The following HRH1 variants were observed in gnomAD, a reference collection of about 807,000 sequenced individuals.
The protein encoded by HRH1 is histamine H1 receptor.
Under a neutral mutation model 10.3 loss-of-function variants are expected in HRH1, and 6 were observed. The ratio of observed to expected loss-of-function variants is 0.58; its 90% CI spans 0.32 to 1.15. HRH1 has a LOEUF of 1.15. Among genes scored for constraint, HRH1 ranks in the 50% most tolerant of loss-of-function variants. HRH1 has a pLI of 0.05. For synonymous variants in HRH1, 242 were observed against 236.7 expected, an observed-to-expected ratio of 1.02 and a Z score of -0.21; for missense variants, 514 against 615.3, an observed-to-expected ratio of 0.84 and a Z score of 1.74.
chr3:11,178,027 C>T (rs898168767), intron 1 of HRH1, among the ~76,000 whole-genome samples: 24 of 152,268 alleles, frequency 1.6e-4, no homozygotes, highest in African/African-American at 5.8e-4. Flanking sequence ...GGTCCATCCA[C>T]TCCCAAACCA....
At chr3:11,176,181 A>AAAAAAAAG (rs796312202) in intron 1 of HRH1, among the ~76,000 whole-genome samples, 19 of 151,816 alleles carry the variant, frequency 1.3e-4, no homozygotes, top group African/African-American at 4.6e-4. Context: ...AAAAAAAAAA[A>AAAAAAAAG]AGAGAGAAAT....
intron 1 of HRH1, among the ~76,000 whole-genome samples, chr3:11,155,498 C>T (rs950857109): frequency 2.0e-5 from 3 of 152,142 alleles, no homozygotes; most frequent in Non-Finnish European, 4.4e-5. Flanking sequence ...CCATGAAGAT[C>T]CCACCTCTTC....
intron 1 of HRH1, among the ~76,000 whole-genome samples, chr3:11,198,044 C>T (rs1474455641): frequency 6.6e-6 from 1 of 152,096 alleles, no homozygotes; most frequent in East Asian, 1.9e-4. Flanking sequence ...CCTGGTTCTC[C>T]CTGGGCCCTC....
chr3:11,243,644 C>T (rs1157133590), intron 1 of HRH1, among the ~76,000 whole-genome samples: 1 of 152,200 alleles, frequency 6.6e-6, no homozygotes, highest in Non-Finnish European at 1.5e-5. Flanking sequence ...TCCAATGACT[C>T]CTCCCAATTC....
chr3:11,147,950 G>T (rs1574971453), intron 1 of HRH1, among the ~76,000 whole-genome samples: 1 of 152,056 alleles, frequency 6.6e-6, no homozygotes, highest in South Asian at 2.1e-4. Flanking sequence ...GAGAGGCCAA[G>T]GTGGGTGGAT....
intron 1 of HRH1, among the ~76,000 whole-genome samples, chr3:11,203,299 G>A (rs570323736): frequency 1.2e-4 from 18 of 152,330 alleles, no homozygotes; most frequent in Non-Finnish European, 2.4e-4. Flanking sequence ...GGTATGGTAA[G>A]AGTATATTTA....
intron 1 of HRH1, among the ~76,000 whole-genome samples, chr3:11,188,239 A>G (rs1474127395): frequency 6.6e-6 from 1 of 152,230 alleles, no homozygotes; most frequent in Non-Finnish European, 1.5e-5. Flanking sequence ...AGGAGAGCAG[A>G]TTGATTATAT....
At chr3:11,250,612 A>T (rs1265401727) in intron 1 of HRH1, among the ~76,000 whole-genome samples, 1 of 152,132 alleles carries the variant, frequency 6.6e-6, no homozygotes, top group African/African-American at 2.4e-5. Context: ...GTCCTGAGGG[A>T]GGAAAGGGTA....
At chr3:11,184,652 C>T (rs1047912312) in intron 1 of HRH1, among the ~76,000 whole-genome samples, 2 of 152,086 alleles carry the variant, frequency 1.3e-5, no homozygotes, top group South Asian at 2.1e-4. Context: ...CCCGATGACT[C>T]GCACCTGTAA....
At chr3:11,232,542 G>A (rs1939070382) in intron 1 of HRH1, among the ~76,000 whole-genome samples, 2 of 152,114 alleles carry the variant, frequency 1.3e-5, no homozygotes, top group Non-Finnish European at 2.9e-5. Context: ...TTAATATATA[G>A]TAGTTTTGAA....
rs148073150 is a variant in HRH1 at position 11,191,480 on chromosome 3, G to T, written c.-36+36926G>T. Among the ~76,000 whole-genome samples the T allele has an allele frequency of 3.2e-3, 485 of 152,292 alleles. 3 individuals are homozygous for T. Among genetic ancestry groups the T allele is most frequent in the African/African-American group, 0.011 (459 of 41,550 alleles). On this transcript the variant is annotated intron_variant, in intron 1 of 1. Coordinates refer to ENST00000431010, the MANE Select transcript of HRH1 (RefSeq NM_001098212.2). ...GGTGTTAGTGGAAGGCTGAAGATGG[G>T]ATTGGTTTGGCAAACCATATCTCTT...
rs113950173 is a variant in HRH1 at position 11,208,153 on chromosome 3, C to CTT, written c.-35-50834_-35-50833dup. Reference sequence around the variant, plus strand: ...AATTTTAGATTGACTCCAGTTTTTTCTTTTTTTTTTTTTTTTTGAGACAGG... The same window carrying CTT: ...AATTTTAGATTGACTCCAGTTTTTTCTTTTTTTTTTTTTTTTTTTGAGACAGG... On this transcript the variant is annotated intron_variant, in intron 1 of 1. Transcript: ENST00000431010. Among the ~76,000 whole-genome samples, 491 of 139,946 alleles carry CTT rather than the reference C, an allele frequency of 3.5e-3. 5 individuals carry two copies. The highest frequency in any genetic ancestry group is 0.012 in the African/African-American group (447 of 37,954). 91.8% of individuals were successfully genotyped at this position (139,946 alleles called of 152,430 possible). A position where few individuals can be genotyped will look rare whatever the true frequency, so the allele number is the denominator to read the frequency against.
intron 1 of HRH1, among the ~76,000 whole-genome samples, chr3:11,230,922 C>A (rs1480173454): frequency 6.6e-6 from 1 of 152,162 alleles, no homozygotes; most frequent in African/African-American, 2.4e-5. Flanking sequence ...ATATCACAAC[C>A]AACATATGGA....
chr3:11,145,098 A>G (rs766406482), intron 1 of HRH1, among the ~76,000 whole-genome samples: 2 of 151,696 alleles, frequency 1.3e-5, no homozygotes, highest in Middle Eastern at 3.4e-3. Flanking sequence ...CCCATACCCC[A>G]TCTGTGGATT....
rs1936740228 is a variant in HRH1, at chr3:11,154,703, C to T, written c.-36+149C>T. 6.6e-6 allele frequency: 1 copy of T among 152,112 alleles called. No homozygotes were observed. The highest frequency in any genetic ancestry group is 2.4e-5 in the African/African-American group (1 of 41,440). The allele number at this position is 152,112 out of a possible 1,614,324, so 9.4% of individuals were successfully genotyped here. On this transcript the variant is annotated intron_variant, in intron 1 of 1. Coordinates refer to ENST00000431010, the MANE Select transcript of HRH1 (RefSeq NM_001098212.2). This position sits in a 1 kb window ranked among gnomAD's most constrained non-coding sequence, Gnocchi z 4.4. Reference sequence around the variant, plus strand: ...GCTTGAGAAGAGCGCGCTTGGGTACCCTCGCGACGCGGGTGGCCTGGGGAG... The same window carrying T: ...GCTTGAGAAGAGCGCGCTTGGGTACTCTCGCGACGCGGGTGGCCTGGGGAG...
At chr3:11,208,946 C>T (rs1038130985) in intron 1 of HRH1, among the ~76,000 whole-genome samples, 3 of 152,160 alleles carry the variant, frequency 2.0e-5, no homozygotes, top group African/African-American at 7.2e-5. Flanking sequence ...TACAAAACTG[C>T]CCACAGAGAG....
At chr3:11,179,630 AAAG>A (rs1250327445) in intron 1 of HRH1, among the ~76,000 whole-genome samples, 19 of 151,652 alleles carry the variant, frequency 1.3e-4, no homozygotes, top group Admixed American at 7.2e-4. Context: ...AAAAAAAAAA[AAAG>A]AAAGAAAGAA....
intron 1 of HRH1, among the ~76,000 whole-genome samples, chr3:11,176,218 A>G (rs565287230): frequency 1.5e-3 from 221 of 152,020 alleles, no homozygotes; most frequent in African/African-American, 4.9e-3. Context: ...CTGTGTAATG[A>G]GTTTTTGCAT....
intron 1 of HRH1, among the ~76,000 whole-genome samples, chr3:11,219,101 G>A (rs1010862737): frequency 5.3e-5 from 8 of 152,070 alleles, no homozygotes; most frequent in Non-Finnish European, 1.2e-4. Context: ...ATGTTGGCCA[G>A]GCTGGTCTTG....
Sources: allele counts gnomAD v4.1 joint callset (sites outside exome capture counted in the v4.1 genomes callset), GRCh38; gene constraint gnomAD v4.1.1; non-coding constraint Gnocchi (gnomAD v3.1); transcripts MANE v1.5; gene names NCBI Gene and HGNC (gene_info 2026-07-23, HGNC 2026-07-21).